DMD: variants seen among roughly 807,000 people sequenced by gnomAD.
DMD encodes mutant dystrophin.
DMD carries 63 observed loss-of-function variants against 330.1 expected under a neutral mutation model. The ratio of observed to expected loss-of-function variants is 0.19; its 90% CI spans 0.16 to 0.24. The LOEUF (loss-of-function observed/expected upper bound fraction) is 0.24. Among genes scored for constraint, DMD ranks in the 10% least tolerant of loss-of-function variants. The pLI, the probability that DMD is intolerant of heterozygous loss-of-function variation, is 1.00. For synonymous variants in DMD, 1,223 were observed against 959.8 expected (o/e 1.27, Z -5.07); for missense variants, 3,344 against 2,684.1 (o/e 1.25, Z -5.43).
chrX:32,686,175 A>T (rs1050165348), intron 9 of DMD, among the ~76,000 whole-genome samples: 3 of 111,781 alleles, frequency 2.7e-5, no homozygotes. Context: ...GTAGATAAAG[A>T]CCACAATATG....
rs1438158082 is a variant in DMD at position 31,129,276 on chromosome X, A to G, written c.11015-2603T>C. Among the ~76,000 whole-genome samples, 5 of 112,272 alleles carry G rather than the reference A, an allele frequency of 4.5e-5. No homozygotes were observed. In the East Asian group the frequency reaches 1.1e-3, roughly 25 times the overall value. Reference sequence around the variant, plus strand: ...GACTATTTAAAATACTTAAGGAAGAATAAGTCCCTTTTTAGGATTTCTGTT... The same window carrying G: ...GACTATTTAAAATACTTAAGGAAGAGTAAGTCCCTTTTTAGGATTTCTGTT... On this transcript the variant is annotated intron_variant, in intron 77 of 78. Coordinates refer to ENST00000357033, the MANE Select transcript of DMD (RefSeq NM_004006.3).
chrX:32,691,046 A>G (rs1227412432), intron 9 of DMD, among the ~76,000 whole-genome samples: 2 of 111,378 alleles, frequency 1.8e-5, no homozygotes, highest in African/African-American at 3.3e-5. Context: ...AAGGCAATCT[A>G]TGGAATGGGA....
At chrX:32,516,834 GT>G (rs1371501691) in intron 18 of DMD, 1 of 111,204 alleles carries the variant, frequency 9.0e-6, no homozygotes, top group Non-Finnish European at 1.9e-5. Flanking sequence ...TTATCTTTCA[GT>G]TTTCATATTT....
At chrX:32,656,809 T>G (rs1212845080) in intron 9 of DMD, among the ~76,000 whole-genome samples, 2 of 111,940 alleles carry the variant, frequency 1.8e-5, no homozygotes, top group Admixed American at 1.9e-4. Context: ...GTAATTTTAA[T>G]TTCTTATTTA....
At chrX:31,505,924 G>A (rs2070900560) in intron 56 of DMD, among the ~76,000 whole-genome samples, 1 of 110,405 alleles carries the variant, frequency 9.1e-6, no homozygotes, top group African/African-American at 3.3e-5. Flanking sequence ...GAGCCACTAC[G>A]CCTGGCCCAC....
At chrX:32,660,928 C>A (rs2060902321) in intron 9 of DMD, among the ~76,000 whole-genome samples, 1 of 111,238 alleles carries the variant, frequency 9.0e-6, no homozygotes. Context: ...TATAAACACA[C>A]TTTAGTGTTC....
In DMD at chrX:31,482,218, G is replaced by GGT. The variant is rs752580281; in HGVS notation, c.8548-3117_8548-3116dup. Reference sequence around the variant, plus strand: ...AGTAATATTAAAAATGCAACATGATGGTGTGTGTGTGTGTGTGTGGGGGGG... The same window carrying GGT: ...AGTAATATTAAAAATGCAACATGATGGTGTGTGTGTGTGTGTGTGTGGGGGGG... On this transcript the variant is annotated intron_variant, in intron 57 of 78. Coordinates refer to ENST00000357033, the MANE Select transcript of DMD (RefSeq NM_004006.3). Among the ~76,000 whole-genome samples the GGT allele has an allele frequency of 1.5e-3, 143 of 93,292 alleles. 1 individual carries two copies. In the East Asian group the frequency reaches 0.022, roughly 14 times the overall value. The allele number at this position is 93,292 out of a possible 115,157, so 81.0% of individuals were successfully genotyped here.
intron 76 of DMD, among the ~76,000 whole-genome samples, chrX:31,141,170 C>T (rs1162060570): frequency 7.3e-5 from 8 of 110,320 alleles, no homozygotes; most frequent in African/African-American, 2.3e-4. Flanking sequence ...CCAGCCTGGG[C>T]AATAAAGCGA....
rs1310270784 is a variant in DMD, at chrX:31,473,720, A to AAAAAAAAAAAAAAAAAG, written c.8937+4385_8937+4386insCTTTTTTTTTTTTTTTT. Reference sequence around the variant, plus strand: ...GAGTGAGACTCTGTCTCAAAAAAAAAAAAAAAAAGAAAACAACAATCCACA... The same window carrying AAAAAAAAAAAAAAAAAG: ...GAGTGAGACTCTGTCTCAAAAAAAAAAAAAAAAAAAAAAAAAGAAAAAAAAGAAAACAACAATCCACA... On this transcript the variant is annotated intron_variant, in intron 59 of 78. Transcript: ENST00000357033. Among the ~76,000 whole-genome samples, 310 of 104,320 alleles carry AAAAAAAAAAAAAAAAAG rather than the reference A, an allele frequency of 3.0e-3. 3 individuals carry two copies. The highest frequency in any genetic ancestry group is 0.01 in the African/African-American group (290 of 27,868). The allele number at this position is 104,320 out of a possible 115,157, so 90.6% of individuals were successfully genotyped here.
intron 67 of DMD, among the ~76,000 whole-genome samples, chrX:31,189,947 C>T (rs114796548): frequency 4.4e-5 from 5 of 112,394 alleles, no homozygotes; most frequent in African/African-American, 1.6e-4. Flanking sequence ...TGGTATCACA[C>T]ATAAAAGGCT....
intron 43 of DMD, among the ~76,000 whole-genome samples, chrX:32,258,169 T>C (rs775297561): frequency 3.6e-5 from 4 of 111,529 alleles, no homozygotes; most frequent in Non-Finnish European, 7.5e-5. Flanking sequence ...CAACAACAGA[T>C]GCTGGAGAGG....
chrX:31,511,740 A>C (rs1302137878), intron 55 of DMD, among the ~76,000 whole-genome samples: 1 of 107,408 alleles, frequency 9.3e-6, no homozygotes, highest in Non-Finnish European at 1.9e-5. Context: ...TCACTGTTGG[A>C]CATTTGGGTT....
At chrX:32,850,724 G>T (rs1046829189) in intron 2 of DMD, among the ~76,000 whole-genome samples, 1 of 111,146 alleles carries the variant, frequency 9.0e-6, no homozygotes, top group East Asian at 2.8e-4. Context: ...TCTTTCTTTT[G>T]TCATACTTCA....
intron 53 of DMD, among the ~76,000 whole-genome samples, chrX:31,663,414 C>G (rs970614715): frequency 9.0e-6 from 1 of 111,340 alleles, no homozygotes; most frequent in Non-Finnish European, 1.9e-5. Flanking sequence ...TATGGAGGAG[C>G]CAGTCCTCTG....
At chrX:33,281,044 T>C (rs1276352645) in intron 1 of DMD, among the ~76,000 whole-genome samples, 2 of 111,972 alleles carry the variant, frequency 1.8e-5, no homozygotes, top group African/African-American at 6.5e-5. Context: ...ATCTTTACTA[T>C]GGTGAGTTTT....
chrX:31,857,571 C>A (rs1050014648), intron 48 of DMD, among the ~76,000 whole-genome samples: 1 of 108,965 alleles, frequency 9.2e-6, no homozygotes, highest in Non-Finnish European at 1.9e-5. Flanking sequence ...CTGTTATGTT[C>A]GGTAACTGCC....
intron 7 of DMD, among the ~76,000 whole-genome samples, chrX:32,804,636 T>G (rs936686115): frequency 4.4e-5 from 5 of 112,459 alleles, no homozygotes; most frequent in Non-Finnish European, 9.4e-5. Context: ...AGGGACAGAT[T>G]GCCTTCTCAA....
chrX:31,956,590 G>C (rs5927057), intron 45 of DMD, among the ~76,000 whole-genome samples: 19,975 of 111,386 alleles, frequency 0.18, 1,467 homozygotes, highest in African/African-American at 0.27. Context: ...AAAGTGTTCA[G>C]TTAATGGCAC....
chrX:32,228,704 A>G (rs60423121), intron 43 of DMD, among the ~76,000 whole-genome samples: 4,851 of 111,680 alleles, frequency 0.043, 265 homozygotes, highest in African/African-American at 0.15. Flanking sequence ...CATATCCTCT[A>G]CTATATAGTC....
Sources: gnomAD v4.1 joint callset for allele counts (sites outside exome capture counted in the v4.1 genomes callset) on GRCh38, gnomAD v4.1.1 for gene constraint, MANE v1.5 for transcripts, NCBI Gene and HGNC (gene_info 2026-07-23, HGNC 2026-07-21) for gene names.